Variants in POLR3F observed in about 807,000 individuals in gnomAD.
POLR3F encodes RNA polymerase III subunit F, also known as DNA-directed RNA polymerase III subunit RPC6.
POLR3F carries 31 observed loss-of-function variants against 43.6 expected under a neutral mutation model. That is an observed-to-expected ratio of 0.71 (90% CI 0.53 to 0.96). The LOEUF (loss-of-function observed/expected upper bound fraction) is 0.96, where lower values mean the gene tolerates loss of function less well. Ranked by LOEUF, POLR3F falls within the 40% of genes least tolerant of loss-of-function variation. The pLI, the probability that POLR3F is intolerant of heterozygous loss-of-function variation, is 0.00. For missense variants in POLR3F, 316 were observed against 391.7 expected (o/e 0.81, Z 1.63); for synonymous variants, 114 against 132.5 (o/e 0.86, Z 0.96).
intron 8 of POLR3F, among the ~76,000 whole-genome samples, chr20:18,482,289 C>G (rs2059814967): frequency 6.6e-6 from 1 of 152,036 alleles, no homozygotes; most frequent in Admixed American, 6.6e-5. Flanking sequence ...TGGCCCCCTG[C>G]TTTACATTCT....
intron 8 of POLR3F, among the ~76,000 whole-genome samples, chr20:18,482,805 C>A (rs1045391231): frequency 4.6e-5 from 7 of 152,152 alleles, no homozygotes; most frequent in Non-Finnish European, 1.0e-4. Flanking sequence ...TGGTTTCAGT[C>A]CCTAGACAAA....
At chr20:18,477,001 G>A (rs1688098472) in intron 5 of POLR3F, among the ~76,000 whole-genome samples, 1 of 151,266 alleles carries the variant, frequency 6.6e-6, no homozygotes, top group Admixed American at 6.6e-5. Flanking sequence ...TTGAACCCAG[G>A]AGGCAGAGGT....
intron 2 of POLR3F, chr20:18,469,394 C>G (rs2059735561): frequency 4.7e-6 from 1 of 211,124 alleles, no homozygotes; most frequent in Admixed American, 5.2e-5. Flanking sequence ...GCCCTCAGCA[C>G]TCCTGGTTCT....
Position 18,468,961 on chromosome 20 carries a change from A to T in POLR3F, c.80A>T (p.His27Leu). 1 of 1,530,100 alleles carries T rather than the reference A, an allele frequency of 6.5e-7. No individual in the cohort carries two copies. Among genetic ancestry groups the T allele is most frequent in the Non-Finnish European group, 9.1e-7 (1 of 1,103,230 alleles). 94.8% of individuals were successfully genotyped at this position (1,530,100 alleles called of 1,614,324 possible). A position where few individuals can be genotyped will look rare whatever the true frequency, so the allele number is the denominator to read the frequency against. Reference sequence around the variant, plus strand: ...GTTTCTAGGATTATAGAATTATGTCACCAGTTCCCTCATGGAATCACAGAC... The same window carrying T: ...GTTTCTAGGATTATAGAATTATGTCTCCAGTTCCCTCATGGAATCACAGAC... The part of the protein sequence containing the change: ...EIENRIIELC[H>L]QFPHGITDQV... Residue 27 changes from histidine to leucine, a missense_variant, in exon 2 of 9, where the codon CAC becomes CTC. Coordinates refer to ENST00000377603, the MANE Select transcript of POLR3F (RefSeq NM_006466.4).
chr20:18,470,076 G>A (rs942763954), intron 2 of POLR3F, among the ~76,000 whole-genome samples: 2 of 152,226 alleles, frequency 1.3e-5, no homozygotes, highest in Non-Finnish European at 2.9e-5. Context: ...AAGCAAGACT[G>A]TCTAAAAACC....
At position 18,484,045 on chromosome 20, in the gene POLR3F, T is replaced by G. The variant is rs1172061757; in HGVS notation, c.*487T>G. 2 of 398,476 alleles carry G rather than the reference T, an allele frequency of 5.0e-6. No homozygotes were observed. Among genetic ancestry groups the G allele is most frequent in the East Asian group, 7.1e-5 (2 of 28,070 alleles). The allele number at this position is 398,476 out of a possible 1,614,324, so 24.7% of individuals were successfully genotyped here. A position where few individuals can be genotyped will look rare whatever the true frequency, so the allele number is the denominator to read the frequency against. On this transcript the variant is annotated 3_prime_UTR_variant, in exon 9 of 9. Transcript: ENST00000377603. ...AATTAGAAGGGGTTAAAGGCAGGAA[T>G]AGCAAAGAGTGCAAACTTGGGGTAT...
chr20:18,471,022 G>C lies in POLR3F; in HGVS notation c.181-1820G>C, dbSNP rs138811091. On this transcript the variant is annotated intron_variant, in intron 2 of 8. Coordinates refer to ENST00000377603, the MANE Select transcript of POLR3F (RefSeq NM_006466.4). Reference sequence around the variant, plus strand: ...GAAGCCAGCCTGATTTGGGATTACAGTCATGAGCCACCGAGCCTGGCCCCT... The same window carrying C: ...GAAGCCAGCCTGATTTGGGATTACACTCATGAGCCACCGAGCCTGGCCCCT... Among the ~76,000 whole-genome samples the C allele has an allele frequency of 2.2e-3, 328 of 152,164 alleles. 5 individuals are homozygous for C. The South Asian group carries it at 0.034, about 16-fold the overall frequency.
chr20:18,481,982 ACTTTT>A (rs1379610559), intron 8 of POLR3F, among the ~76,000 whole-genome samples, 172 bp downstream of exon 8: 2 of 81,464 alleles, frequency 2.5e-5, no homozygotes, highest in African/African-American at 4.5e-5. Flanking sequence ...TCATTCCTTT[ACTTTT>A]TTTTTTTTTT....
At chr20:18,475,616 C>T (rs540536502) in intron 5 of POLR3F, among the ~76,000 whole-genome samples, 2 of 152,164 alleles carry the variant, frequency 1.3e-5, no homozygotes, top group African/African-American at 4.8e-5. Flanking sequence ...TGTGTTTTTC[C>T]TGCTCCTCAT....
intron 5 of POLR3F, among the ~76,000 whole-genome samples, chr20:18,475,476 A>C (rs1350511500): frequency 6.6e-6 from 1 of 152,202 alleles, no homozygotes; most frequent in Non-Finnish European, 1.5e-5. Context: ...CTTTATCCCG[A>C]CATATTAGCT....
intron 2 of POLR3F, among the ~76,000 whole-genome samples, chr20:18,471,704 T>C (rs6075344): frequency 0.83 from 125,860 of 152,186 alleles, 52,332 homozygotes; most frequent in South Asian, 0.91. Context: ...GGGAATGGGC[T>C]GGGCACAGTG....
intron 5 of POLR3F, among the ~76,000 whole-genome samples, chr20:18,475,524 ACT>A (rs1332975173): frequency 6.6e-6 from 1 of 152,194 alleles, no homozygotes; most frequent in Admixed American, 6.5e-5. Context: ...TGTGCCAGAC[ACT>A]GTTTTGAGTG....
At chr20:18,475,450 T>C (rs2059774989) in intron 5 of POLR3F, among the ~76,000 whole-genome samples, 1 of 152,256 alleles carries the variant, frequency 6.6e-6, no homozygotes, top group Non-Finnish European at 1.5e-5. Context: ...GATTTTGTGG[T>C]GTGTAAGATA....
At chr20:18,480,003 T>C in intron 5 of POLR3F, 35 bp from the exon 6 acceptor site, 1 of 1,531,162 alleles carries the variant, frequency 6.5e-7, no homozygotes, top group Non-Finnish European at 8.8e-7. Context: ...AATTGTTATC[T>C]TATAAACACA....
chr20:18,471,838 G>C (rs560150108), intron 2 of POLR3F, among the ~76,000 whole-genome samples: 1 of 152,116 alleles, frequency 6.6e-6, no homozygotes, highest in East Asian at 1.9e-4. Context: ...AAATATCAGC[G>C]TGGCATGGTG....
At chr20:18,470,429 G>C (rs2059743389) in intron 2 of POLR3F, among the ~76,000 whole-genome samples, 1 of 152,204 alleles carries the variant, frequency 6.6e-6, no homozygotes, top group South Asian at 2.1e-4. Flanking sequence ...TGTCATTTTA[G>C]CAAGAAGCAG....
At position 18,480,390 on chromosome 20, in the gene POLR3F, C is replaced by G; in HGVS notation, c.574-12C>G. On this transcript the variant is annotated splice_polypyrimidine_tract_variant and intron_variant, in intron 6 of 8. Transcript: ENST00000377603. ...ATTCTTATTTACATTTCTTATGTTT[C>G]AATCCTTATAGGCAGAAACAGCACG... is the stretch of plus-strand genomic sequence containing the variant. The G allele has an allele frequency of 6.4e-7, 1 of 1,562,626 alleles. No homozygotes were observed. The highest frequency in any genetic ancestry group is 1.1e-5 in the South Asian group (1 of 89,768).
rs2059810926 is a variant in POLR3F, at chr20:18,481,725, T to A, written c.788T>A (p.Val263Glu). The A allele has an allele frequency of 6.2e-7, 1 of 1,613,398 alleles. No homozygotes were observed. The highest frequency in any genetic ancestry group is 8.5e-7 in the Non-Finnish European group (1 of 1,179,306). Residue 263 changes from valine to glutamate, a missense_variant, in exon 8 of 9, where the codon GTA becomes GAA. By Grantham distance (121) the Val-to-Glu change is moderately radical. Around this residue, in one of 3 missense-constraint regions of POLR3F, gnomAD observed 85 missense variants for 80.2 expected, o/e 1.06. Transcript: ENST00000377603. ...IAAKEGTVGS[V>E]DGHMKLYRAV... is the part of the protein sequence containing the mutation. ...GCAAAAGAAGGCACAGTTGGCAGTG[T>A]AGATGGACACATGAAACTGTACAGG... is the stretch of plus-strand genomic sequence containing the variant.
chr20:18,480,166 A>G lies in POLR3F; in HGVS notation c.558A>G (p.Lys186=), dbSNP rs2148866988. The change falls in exon 6 of 9, where the codon AAA becomes AAG. Residue 186 remains lysine, a synonymous_variant. Transcript: ENST00000377603. ...FVEVLNQQCF[K]FLQSKAETAR... is the part of the protein sequence containing the mutation. The stretch of plus-strand genomic sequence containing the variant: ...AGGTGCTTAACCAACAGTGTTTTAA[A>G]TTCCTACAGTCCAAGGTGAGGTATG... The G allele has an allele frequency of 6.2e-7, 1 of 1,612,780 alleles. No homozygotes were observed. The highest frequency in any genetic ancestry group is 2.2e-5 in the East Asian group (1 of 44,868).
Sources: gnomAD v4.1 joint callset for allele counts (sites outside exome capture counted in the v4.1 genomes callset) on GRCh38, gnomAD v4.1.1 for gene constraint, gnomAD v4.1.1 regional missense constraint, MANE v1.5 for transcripts, NCBI Gene and HGNC (gene_info 2026-07-23, HGNC 2026-07-21) for gene names.